The following BLK variants were observed in gnomAD, a reference collection of about 807,000 sequenced individuals.
BLK encodes the protein tyrosine-protein kinase Blk.
BLK carries 64 observed loss-of-function variants against 61.8 expected under a neutral mutation model. The ratio of observed to expected loss-of-function variants is 1.03; its 90% CI spans 0.85 to 1.27. The LOEUF is 1.27. BLK is among the 50% of genes most tolerant of loss of function. The probability of loss-of-function intolerance (pLI) is 0.00; values close to 1 mark genes in which losing one functional copy is unlikely to be tolerated. For missense variants in BLK, 853 were observed against 660.5 expected (o/e 1.29, Z -3.19); for synonymous variants, 351 against 272.0 (o/e 1.29, Z -2.86).
At chr8:11,506,846 G>A (rs79508273) in intron 1 of BLK, among the ~76,000 whole-genome samples, 2,466 of 152,318 alleles carry the variant, frequency 0.016, 65 homozygotes, top group African/African-American at 0.057. Context: ...GGGACTCTCA[G>A]GGAGGCCACT....
chr8:11,531,936 G>A (rs1434909696), intron 1 of BLK, among the ~76,000 whole-genome samples: 1 of 152,108 alleles, frequency 6.6e-6, no homozygotes, highest in Non-Finnish European at 1.5e-5. Context: ...TCGGCTCACT[G>A]CAACCACAGC....
At chr8:11,535,295 A>AGAAAGAAC (rs1481738293) in intron 1 of BLK, among the ~76,000 whole-genome samples, 3 of 145,760 alleles carry the variant, frequency 2.1e-5, no homozygotes, top group African/African-American at 7.4e-5. Context: ...AAAGAAAGAA[A>AGAAAGAAC]GAAAGAAAGA....
intron 9 of BLK, among the ~76,000 whole-genome samples, chr8:11,557,411 C>T (rs1156346739): frequency 2.6e-5 from 4 of 152,174 alleles, no homozygotes; most frequent in African/African-American, 7.2e-5. Flanking sequence ...AAGGGGCCCC[C>T]GGTCGGAGGC....
chr8:11,523,751 G>C (rs1585353169), intron 1 of BLK, among the ~76,000 whole-genome samples: 1 of 151,982 alleles, frequency 6.6e-6, no homozygotes, highest in Admixed American at 6.6e-5. Flanking sequence ...AGAAACACAA[G>C]TGGCTAATAA....
At chr8:11,513,098 C>T (rs1799081936) in intron 1 of BLK, among the ~76,000 whole-genome samples, 1 of 152,144 alleles carries the variant, frequency 6.6e-6, no homozygotes, top group Non-Finnish European at 1.5e-5. Flanking sequence ...ATTTACTTTT[C>T]TTGTTTTATC....
chr8:11,497,443 G>C (rs1346554521), intron 1 of BLK, among the ~76,000 whole-genome samples: 1 of 152,150 alleles, frequency 6.6e-6, no homozygotes, highest in Non-Finnish European at 1.5e-5. Flanking sequence ...CCCAGTCACA[G>C]TGCCCAAGCC....
At position 11,554,318 on chromosome 8, in the gene BLK, G is replaced by T. The variant is rs1301571854; in HGVS notation, c.473-425G>T. 4 of 255,310 alleles carry T rather than the reference G, an allele frequency of 1.6e-5. No individual in the cohort carries two copies. In the Admixed American group the frequency reaches 1.9e-4, roughly 12 times the overall value. 15.8% of individuals were successfully genotyped at this position (255,310 alleles called of 1,614,324 possible). The stretch of plus-strand genomic sequence containing the variant: ...GACATGGGTACTTGCAGCTGTGAAT[G>T]GCTATCTGCTTGTAGGAGTAAGAGA... On this transcript the variant is annotated intron_variant, in intron 6 of 12. Transcript: ENST00000259089.
chr8:11,561,814 G>A (rs935823904), intron 11 of BLK, among the ~76,000 whole-genome samples: 3 of 148,830 alleles, frequency 2.0e-5, no homozygotes, highest in African/African-American at 7.4e-5. Context: ...ACTAATTTGA[G>A]CTCCAAATAC....
At chr8:11,533,366 C>G (rs1365822052) in intron 1 of BLK, among the ~76,000 whole-genome samples, 1 of 152,202 alleles carries the variant, frequency 6.6e-6, no homozygotes, top group Non-Finnish European at 1.5e-5. Context: ...ACGCTCCCTT[C>G]TTACACATTC....
chr8:11,495,289 G>A (rs74418522), intron 1 of BLK, among the ~76,000 whole-genome samples: 4,219 of 150,446 alleles, frequency 0.028, 208 homozygotes, highest in African/African-American at 0.094. Context: ...ACATTACCAA[G>A]GAACTAAGGA....
intron 6 of BLK, among the ~76,000 whole-genome samples, chr8:11,551,341 C>T (rs562009229): frequency 7.2e-5 from 11 of 152,288 alleles, no homozygotes; most frequent in Admixed American, 2.0e-4. Flanking sequence ...CTTGGCTTGC[C>T]GATGGCCGTC....
intron 1 of BLK, among the ~76,000 whole-genome samples, chr8:11,503,540 C>A (rs1471653328): frequency 6.6e-6 from 1 of 152,142 alleles, no homozygotes; most frequent in African/African-American, 2.4e-5. Context: ...TACAGGGTGA[C>A]CCTTTTCAGA....
At chr8:11,543,099 T>G in intron 1 of BLK, 125 bp from the exon 2 acceptor site, 1 of 1,489,558 alleles carries the variant, frequency 6.7e-7, no homozygotes, top group Non-Finnish European at 9.2e-7. Context: ...TTTGAGGTCT[T>G]TGCTGCACCC....
chr8:11,548,803 G>T (rs933410547), intron 4 of BLK, among the ~76,000 whole-genome samples: 1 of 152,230 alleles, frequency 6.6e-6, no homozygotes, highest in Non-Finnish European at 1.5e-5. Context: ...TGCCCTCTTG[G>T]CTGGTCAGGC....
intron 1 of BLK, among the ~76,000 whole-genome samples, chr8:11,504,367 G>GGAAGAAACAAAAGAAAAGAAAAGA (rs1554540059): frequency 1.5e-4 from 6 of 39,360 alleles, no homozygotes; most frequent in Admixed American, 3.5e-4. Context: ...AAGGAAGGAA[G>GGAAGAAACAAAAGAAAAGAAAAGA]AAAGAAAAGA....
At chr8:11,537,483 A>G (rs1025326543) in intron 1 of BLK, among the ~76,000 whole-genome samples, 8 of 152,228 alleles carry the variant, frequency 5.3e-5, no homozygotes, top group African/African-American at 1.7e-4. Context: ...GATACAAAAT[A>G]GCAAAACTAT....
chr8:11,497,363 C>T (rs1036111499), intron 1 of BLK, among the ~76,000 whole-genome samples: 31 of 152,132 alleles, frequency 2.0e-4, no homozygotes, highest in African/African-American at 7.2e-4. Context: ...TTGCCTGAAT[C>T]CCTTCCCCAC....
At chr8:11,505,413 A>T (rs572971822) in intron 1 of BLK, among the ~76,000 whole-genome samples, 1 of 152,250 alleles carries the variant, frequency 6.6e-6, no homozygotes, top group South Asian at 2.1e-4. Context: ...CAGCATGGTG[A>T]CCTGCCAAGC....
At chr8:11,546,886 A>G (rs1187024286) in intron 3 of BLK, among the ~76,000 whole-genome samples, 1 of 151,982 alleles carries the variant, frequency 6.6e-6, no homozygotes, top group East Asian at 1.9e-4. Flanking sequence ...CCTAGACTCC[A>G]CTTCTGCTCT....
Sources: allele counts gnomAD v4.1 joint callset (sites outside exome capture counted in the v4.1 genomes callset), GRCh38; gene constraint gnomAD v4.1.1; transcripts MANE v1.5; gene names NCBI Gene and HGNC (gene_info 2026-07-23, HGNC 2026-07-21).